The following EYA4 variants were observed in gnomAD, a reference collection of about 807,000 sequenced individuals.
EYA4 encodes the protein protein phosphatase EYA4.
In EYA4, 31 loss-of-function variants were observed where a neutral mutation model predicts 87.9. That is an observed-to-expected ratio of 0.35 (90% CI 0.27 to 0.48). The LOEUF (loss-of-function observed/expected upper bound fraction) is 0.48, where lower values mean the gene tolerates loss of function less well. Ranked by LOEUF, EYA4 falls within the 20% of genes least tolerant of loss-of-function variation. The probability of loss-of-function intolerance (pLI) is 0.99; values close to 1 mark genes in which losing one functional copy is unlikely to be tolerated. For missense variants in EYA4, 678 were observed against 761.4 expected, an observed-to-expected ratio of 0.89 and a Z score of 1.29; for synonymous variants, 263 against 270.6, an observed-to-expected ratio of 0.97 and a Z score of 0.28.
chr6:133,331,560 T>C (rs9385644), intron 2 of EYA4, among the ~76,000 whole-genome samples: 1 of 152,328 alleles, frequency 6.6e-6, no homozygotes, highest in East Asian at 1.9e-4. Context: ...GCACAAGGCA[T>C]CATTAATAAT....
chr6:133,462,161 T>C lies in EYA4; in HGVS notation c.438-174T>C, dbSNP rs540715910. 6 of 738,008 alleles carry C rather than the reference T, an allele frequency of 8.1e-6. No individual in the cohort carries two copies. The East Asian group carries it at 1.6e-4, about 20-fold the overall frequency. The allele number at this position is 738,008 out of a possible 1,614,324, so 45.7% of individuals were successfully genotyped here. ...TGTCTATGGTCACTAGATTGGCTTG[T>C]AGCAGAGCCTGAGCTCCTGACATTC... On this transcript the variant is annotated intron_variant, in intron 7 of 19. Transcript: ENST00000355286.
chr6:133,375,217 A>T (rs1785584436), intron 2 of EYA4, among the ~76,000 whole-genome samples: 2 of 152,132 alleles, frequency 1.3e-5, no homozygotes, highest in South Asian at 4.1e-4. Flanking sequence ...GAAGATCTTC[A>T]CAACATAAAT....
chr6:133,436,248 A>G (rs921380125), intron 3 of EYA4, among the ~76,000 whole-genome samples: 21 of 151,128 alleles, frequency 1.4e-4, no homozygotes, highest in African/African-American at 4.9e-4. Flanking sequence ...AGAAATTTCC[A>G]CATGCATTTC....
At chr6:133,478,556 AT>A (rs2128700661) in intron 11 of EYA4, among the ~76,000 whole-genome samples, 1 of 152,288 alleles carries the variant, frequency 6.6e-6, no homozygotes, top group East Asian at 1.9e-4. Flanking sequence ...AAACACATAT[AT>A]TTCAATAAAA....
intron 3 of EYA4, among the ~76,000 whole-genome samples, 174 bp downstream of exon 3, chr6:133,382,615 T>C (rs929017697): frequency 5.9e-4 from 90 of 152,166 alleles, no homozygotes; most frequent in African/African-American, 2.1e-3. Flanking sequence ...ATAATATTAG[T>C]CAAAGGGACT....
intron 1 of EYA4, among the ~76,000 whole-genome samples, chr6:133,242,497 G>A (rs1363345803): frequency 2.0e-5 from 3 of 152,172 alleles, no homozygotes; most frequent in African/African-American, 7.2e-5. Context: ...ACCTGGCTGG[G>A]TAGAGCAGGT....
At chr6:133,430,052 T>C (rs1386344298) in intron 3 of EYA4, among the ~76,000 whole-genome samples, 1 of 152,164 alleles carries the variant, frequency 6.6e-6, no homozygotes, top group East Asian at 1.9e-4. Context: ...CTAGTGTCTA[T>C]TGTTCCCATC....
intron 2 of EYA4, among the ~76,000 whole-genome samples, chr6:133,354,145 C>T (rs941440931): frequency 4.6e-5 from 7 of 152,092 alleles, no homozygotes; most frequent in Admixed American, 4.6e-4. Context: ...GACATAATAA[C>T]TGCATTAATG....
chr6:133,318,825 T>C (rs1780826038), intron 2 of EYA4, among the ~76,000 whole-genome samples: 1 of 152,226 alleles, frequency 6.6e-6, no homozygotes, highest in African/African-American at 2.4e-5. Context: ...TTGCAAGTCC[T>C]GAACTGTGTT....
chr6:133,335,090 C>T (rs1360929779), intron 2 of EYA4, among the ~76,000 whole-genome samples: 2 of 152,166 alleles, frequency 1.3e-5, no homozygotes, highest in Admixed American at 6.5e-5. Context: ...TTAGCTATGG[C>T]TGATGACCTG....
At chr6:133,300,998 C>T (rs1429736658) in intron 2 of EYA4, among the ~76,000 whole-genome samples, 3 of 152,176 alleles carry the variant, frequency 2.0e-5, no homozygotes, top group African/African-American at 4.8e-5. Context: ...TAAGAAACAT[C>T]TTGCTAAAGG....
intron 10 of EYA4, 53 bp from the exon 11 acceptor site, chr6:133,468,513 G>A: frequency 7.2e-7 from 1 of 1,390,750 alleles, no homozygotes; most frequent in Middle Eastern, 1.8e-4. Flanking sequence ...TCTTGGGAGA[G>A]TATTAAAGAG....
At chr6:133,336,844 T>G (rs1486273997) in intron 2 of EYA4, among the ~76,000 whole-genome samples, 1 of 152,194 alleles carries the variant, frequency 6.6e-6, no homozygotes, top group Non-Finnish European at 1.5e-5. Flanking sequence ...AAGTGTTCAT[T>G]GTACTAATCT....
At chr6:133,448,204 A>G (rs372029758) in intron 5 of EYA4, 25 bp downstream of exon 5, 1 of 1,572,960 alleles carries the variant, frequency 6.4e-7, no homozygotes, top group African/African-American at 1.3e-5. Context: ...GGTACACTGC[A>G]TGTGTTTGGG....
chr6:133,291,313 A>G (rs894174284), intron 2 of EYA4, among the ~76,000 whole-genome samples: 1 of 152,214 alleles, frequency 6.6e-6, no homozygotes, highest in African/African-American at 2.4e-5. Context: ...CCAAATTCCT[A>G]GGGATATCTT....
At chr6:133,411,888 G>A (rs1789272025) in intron 3 of EYA4, among the ~76,000 whole-genome samples, 1 of 152,166 alleles carries the variant, frequency 6.6e-6, no homozygotes. Flanking sequence ...ATATTTTAAA[G>A]CTCCTGAACA....
At chr6:133,244,916 G>A (rs1251164366) in intron 1 of EYA4, among the ~76,000 whole-genome samples, 2 of 152,100 alleles carry the variant, frequency 1.3e-5, no homozygotes, top group African/African-American at 4.8e-5. Context: ...AAGTTAGAAT[G>A]TTAGGAAGTT....
intron 3 of EYA4, among the ~76,000 whole-genome samples, chr6:133,413,249 T>TGTTTAAGGAGAA (rs1789400397): frequency 6.6e-6 from 1 of 152,186 alleles, no homozygotes; most frequent in African/African-American, 2.4e-5. Context: ...TCCTTAAACT[T>TGTTTAAGGAGAA]ACTATGTTTC....
At chr6:133,253,220 C>G (rs1471572933) in intron 1 of EYA4, among the ~76,000 whole-genome samples, 2 of 152,016 alleles carry the variant, frequency 1.3e-5, no homozygotes. Flanking sequence ...GAATTTGAGA[C>G]AGGGGTTTAA....
Sources: allele counts gnomAD v4.1 joint callset (sites outside exome capture counted in the v4.1 genomes callset), GRCh38; gene constraint gnomAD v4.1.1; transcripts MANE v1.5; gene names NCBI Gene and HGNC (gene_info 2026-07-23, HGNC 2026-07-21).